MSR1: variants seen among roughly 807,000 people sequenced by gnomAD.
MSR1 encodes macrophage scavenger receptor 1.
In MSR1, 53 loss-of-function variants were observed where a neutral mutation model predicts 47.2. The observed-to-expected ratio is 1.12, with a 90% CI of 0.90 to 1.41. The LOEUF (loss-of-function observed/expected upper bound fraction) is 1.41, where lower values mean the gene tolerates loss of function less well. Ranked by LOEUF, MSR1 falls within the 40% of genes most tolerant of loss-of-function variation. The pLI is 0.00. For missense variants in MSR1, 786 were observed against 546.9 expected, an observed-to-expected ratio of 1.44 and a Z score of -4.36; for synonymous variants, 239 against 185.6, an observed-to-expected ratio of 1.29 and a Z score of -2.34.
At chr8:16,122,876 T>C (rs1448314484) in intron 8 of MSR1, among the ~76,000 whole-genome samples, 2 of 144,192 alleles carry the variant, frequency 1.4e-5, no homozygotes, top group African/African-American at 5.2e-5. Flanking sequence ...AGACGGAGTC[T>C]TGCTGTCTCC....
intron 7 of MSR1, among the ~76,000 whole-genome samples, chr8:16,144,543 T>C (rs751659203): frequency 7.9e-5 from 12 of 152,114 alleles, no homozygotes; most frequent in Non-Finnish European, 1.6e-4. Context: ...TTAACAACCA[T>C]AGACTTCAAA....
intron 8 of MSR1, among the ~76,000 whole-genome samples, chr8:16,137,869 A>T (rs1053087490): frequency 5.9e-5 from 9 of 151,934 alleles, no homozygotes; most frequent in Non-Finnish European, 1.3e-4. Flanking sequence ...GTGTGTGCCT[A>T]AAGTCCTAGC....
intron 8 of MSR1, among the ~76,000 whole-genome samples, chr8:16,133,203 C>T (rs935224086): frequency 2.6e-5 from 4 of 152,166 alleles, no homozygotes; most frequent in Admixed American, 6.5e-5. Context: ...AAGTTCAAGA[C>T]ACTTTTATAG....
Position 16,151,046 on chromosome 8 carries a change from A to T in MSR1, c.899-735T>A, listed in dbSNP as rs562667711. Among the ~76,000 whole-genome samples the T allele has an allele frequency of 8.8e-4, 134 of 152,240 alleles. 1 individual carries two copies. The highest frequency in any genetic ancestry group is 4.2e-3 in the Admixed American group (64 of 15,276). On this transcript the variant is annotated intron_variant, in intron 6 of 9. Transcript: ENST00000262101. ...AAAAGAAAATGTTATATTCCAGTGA[A>T]ATAAAATATTTTATCCTAGAGTTCA...
At chr8:16,141,773 G>T (rs1800562988) in intron 8 of MSR1, among the ~76,000 whole-genome samples, 1 of 152,030 alleles carries the variant, frequency 6.6e-6, no homozygotes, top group African/African-American at 2.4e-5. Flanking sequence ...CAAAGCATTT[G>T]ATAACCTTAG....
At chr8:16,138,247 A>G (rs565620209) in intron 8 of MSR1, among the ~76,000 whole-genome samples, 1 of 152,284 alleles carries the variant, frequency 6.6e-6, no homozygotes, top group African/African-American at 2.4e-5. Flanking sequence ...ACATATTGGT[A>G]ATTGAGATAT....
intron 8 of MSR1, chr8:16,121,193 T>C (rs1026604234): frequency 4.8e-6 from 2 of 413,496 alleles, no homozygotes; most frequent in African/African-American, 4.1e-5. Context: ...GTAACAAAGA[T>C]TTTTGTGTTT....
At chr8:16,116,558 A>G (rs1172271530) in intron 9 of MSR1, among the ~76,000 whole-genome samples, 1 of 152,162 alleles carries the variant, frequency 6.6e-6, no homozygotes, top group African/African-American at 2.4e-5. Context: ...ACTTCACATG[A>G]GACTAAACTC....
intron 9 of MSR1, among the ~76,000 whole-genome samples, chr8:16,110,830 C>G (rs769524198): frequency 2.0e-5 from 3 of 152,108 alleles, no homozygotes; most frequent in Non-Finnish European, 4.4e-5. Context: ...CTACTGATTG[C>G]AAACACAAAC....
At chr8:16,164,590 A>G (rs568993814) in intron 4 of MSR1, among the ~76,000 whole-genome samples, 3 of 152,112 alleles carry the variant, frequency 2.0e-5, no homozygotes, top group Admixed American at 2.0e-4. Flanking sequence ...CTGAAGTAAA[A>G]TGTCTTCGTA....
chr8:16,165,111 T>C (rs1801267514), intron 4 of MSR1, among the ~76,000 whole-genome samples: 1 of 152,098 alleles, frequency 6.6e-6, no homozygotes, highest in Non-Finnish European at 1.5e-5. Flanking sequence ...TAAATATATT[T>C]GTATATTGAT....
chr8:16,124,133 C>G (rs1486288940), intron 8 of MSR1, among the ~76,000 whole-genome samples: 1 of 152,162 alleles, frequency 6.6e-6, no homozygotes, highest in African/African-American at 2.4e-5. Flanking sequence ...GGAAGTTCTT[C>G]TATGGCCTAG....
At chr8:16,173,994 CTT>C (rs1041009189) in intron 3 of MSR1, among the ~76,000 whole-genome samples, 1 of 152,094 alleles carries the variant, frequency 6.6e-6, no homozygotes, top group Non-Finnish European at 1.5e-5. Flanking sequence ...TTTATAAAGA[CTT>C]GATTAAACTG....
intron 4 of MSR1, among the ~76,000 whole-genome samples, chr8:16,166,228 T>C (rs988417035): frequency 7.5e-6 from 1 of 133,756 alleles, no homozygotes; most frequent in African/African-American, 2.8e-5. Context: ...TGGAGTGCAA[T>C]GGCATGATCT....
chr8:16,181,032 A>T (rs940993175), intron 1 of MSR1, among the ~76,000 whole-genome samples: 7 of 152,198 alleles, frequency 4.6e-5, no homozygotes, highest in Non-Finnish European at 5.9e-5. Flanking sequence ...TGGATTATTT[A>T]GATCCACACT....
At chr8:16,130,911 T>C (rs1450365403) in intron 8 of MSR1, among the ~76,000 whole-genome samples, 1 of 152,122 alleles carries the variant, frequency 6.6e-6, no homozygotes, top group African/African-American at 2.4e-5. Context: ...TTCCATGTCT[T>C]TGCTATTGTG....
intron 8 of MSR1, among the ~76,000 whole-genome samples, chr8:16,131,413 T>C (rs1800251643): frequency 6.7e-6 from 1 of 150,226 alleles, no homozygotes; most frequent in Admixed American, 6.6e-5. Context: ...TTTTCTCCCA[T>C]TCTATGTATC....
chr8:16,159,547 C>A (rs1369428928), intron 5 of MSR1, among the ~76,000 whole-genome samples: 1 of 151,890 alleles, frequency 6.6e-6, no homozygotes, highest in Non-Finnish European at 1.5e-5. Context: ...ACTAACTCTG[C>A]AATCAACACA....
At chr8:16,116,382 T>A (rs1799876610) in intron 9 of MSR1, among the ~76,000 whole-genome samples, 2 of 151,984 alleles carry the variant, frequency 1.3e-5, no homozygotes, top group Non-Finnish European at 2.9e-5. Context: ...GCTGAAAAAA[T>A]GTAAAAGGAA....
Sources: gnomAD v4.1 joint callset for allele counts (sites outside exome capture counted in the v4.1 genomes callset) on GRCh38, gnomAD v4.1.1 for gene constraint, MANE v1.5 for transcripts, NCBI Gene and HGNC (gene_info 2026-07-23, HGNC 2026-07-21) for gene names.